The following ADAMTS3 variants were observed in gnomAD, a reference collection of about 807,000 sequenced individuals.
ADAMTS3 encodes A disintegrin and metalloproteinase with thrombospondin motifs 3.
ADAMTS3 carries 73 observed loss-of-function variants against 129.0 expected under a neutral mutation model. The observed-to-expected ratio is 0.57, with a 90% confidence interval of 0.47 to 0.69. ADAMTS3 has a LOEUF of 0.69. Among genes scored for constraint, ADAMTS3 ranks in the 30% least tolerant of loss-of-function variants. ADAMTS3 has a pLI of 0.00. For missense variants in ADAMTS3, 1,457 were observed against 1,514.5 expected, an observed-to-expected ratio of 0.96 and a Z score of 0.63; for synonymous variants, 477 against 510.8, an observed-to-expected ratio of 0.93 and a Z score of 0.89.
intron 19 of ADAMTS3, among the ~76,000 whole-genome samples, chr4:72,292,558 T>A (rs1718702156): frequency 6.6e-6 from 1 of 152,182 alleles, no homozygotes; most frequent in Admixed American, 6.6e-5. Flanking sequence ...CAAATTCTAA[T>A]GTCAGTGTCA....
At chr4:72,532,651 T>A (rs1721074285) in intron 3 of ADAMTS3, among the ~76,000 whole-genome samples, 1 of 152,148 alleles carries the variant, frequency 6.6e-6, no homozygotes, top group African/African-American at 2.4e-5. Flanking sequence ...TATGGTATAC[T>A]TACACAACCG....
chr4:72,389,951 T>C (rs77122833), intron 4 of ADAMTS3, among the ~76,000 whole-genome samples: 4,098 of 152,022 alleles, frequency 0.027, 138 homozygotes, highest in African/African-American at 0.081. Context: ...GAGATGAATG[T>C]GTATACACAC....
chr4:72,307,870 T>A (rs1019433347), intron 15 of ADAMTS3, among the ~76,000 whole-genome samples: 2 of 151,984 alleles, frequency 1.3e-5, no homozygotes, highest in African/African-American at 4.8e-5. Context: ...AGTTAGATTA[T>A]CTTTGAACAG....
intron 4 of ADAMTS3, among the ~76,000 whole-genome samples, chr4:72,359,872 TA>T: frequency 6.6e-6 from 1 of 152,086 alleles, no homozygotes; most frequent in East Asian, 1.9e-4. Context: ...GCTAAATTAA[TA>T]AATTATACTC....
At chr4:72,367,735 A>G (rs1720904352) in intron 4 of ADAMTS3, among the ~76,000 whole-genome samples, 1 of 152,000 alleles carries the variant, frequency 6.6e-6, no homozygotes, top group African/African-American at 2.4e-5. Flanking sequence ...CTGTAGTCCC[A>G]GCTACTTGGG....
intron 3 of ADAMTS3, among the ~76,000 whole-genome samples, chr4:72,481,857 T>C (rs1290173605): frequency 1.3e-5 from 2 of 151,928 alleles, no homozygotes; most frequent in Non-Finnish European, 2.9e-5. Flanking sequence ...GAAAAAGCCA[T>C]GAACAGACAT....
At chr4:72,526,729 C>CAT (rs1294009752) in intron 3 of ADAMTS3, among the ~76,000 whole-genome samples, 1 of 42,412 alleles carries the variant, frequency 2.4e-5, no homozygotes, top group African/African-American at 1.0e-4. Flanking sequence ...AAAATATATA[C>CAT]ATACATATAT....
chr4:72,493,286 G>T (rs1085946), intron 3 of ADAMTS3, among the ~76,000 whole-genome samples: 135,031 of 151,940 alleles, frequency 0.89, 60,939 homozygotes, highest in East Asian at 1. Context: ...TTATCTTACA[G>T]TGGTTTTGTC....
intron 4 of ADAMTS3, among the ~76,000 whole-genome samples, chr4:72,395,530 T>C (rs955049355): frequency 6.6e-6 from 1 of 152,108 alleles, no homozygotes; most frequent in Non-Finnish European, 1.5e-5. Context: ...AGGACAAATA[T>C]AAAAAATTTA....
intron 3 of ADAMTS3, among the ~76,000 whole-genome samples, chr4:72,424,875 T>A (rs1419275483): frequency 2.0e-5 from 3 of 152,144 alleles, no homozygotes; most frequent in Non-Finnish European, 4.4e-5. Context: ...GGATACTAAC[T>A]TTTTATTGGA....
chr4:72,460,878 C>T (rs779892083), intron 3 of ADAMTS3, among the ~76,000 whole-genome samples: 25 of 151,650 alleles, frequency 1.6e-4, no homozygotes, highest in Non-Finnish European at 3.1e-4. Flanking sequence ...GGGAATTCAT[C>T]ATAAGACTGA....
intron 5 of ADAMTS3, among the ~76,000 whole-genome samples, chr4:72,329,035 T>G (rs56868491): frequency 0.035 from 5,257 of 152,260 alleles, 307 homozygotes; most frequent in African/African-American, 0.12. Context: ...TAATAACTAC[T>G]GTTTAGTGAT....
At chr4:72,422,226 T>C (rs753685802) in intron 3 of ADAMTS3, among the ~76,000 whole-genome samples, 1 of 152,138 alleles carries the variant, frequency 6.6e-6, no homozygotes, top group Non-Finnish European at 1.5e-5. Context: ...TGAGGGATTA[T>C]GTTTAAAAAG....
rs964031282 is a variant in ADAMTS3 at position 72,406,515 on chromosome 4, C to A, written c.661+8300G>T. 5.3e-5 allele frequency among the ~76,000 whole-genome samples: 8 copies of A among 152,082 alleles called. No homozygotes were observed. In the East Asian group the frequency reaches 1.3e-3, roughly 26 times the overall value. Reference sequence around the variant, plus strand: ...TAGTCTCTACTACTTATAGTAAATTCTTCGCTTCCCATTTACTTAATTCCT... The same window carrying A: ...TAGTCTCTACTACTTATAGTAAATTATTCGCTTCCCATTTACTTAATTCCT... On this transcript the variant is annotated intron_variant, in intron 4 of 21. Transcript: ENST00000286657.
chr4:72,352,293 A>G (rs1720460639), intron 4 of ADAMTS3, among the ~76,000 whole-genome samples: 1 of 152,044 alleles, frequency 6.6e-6, no homozygotes. Context: ...ACCAAAAGGG[A>G]AATCCAGTCT....
rs58586015 is a variant in ADAMTS3 at position 72,342,359 on chromosome 4, C to CTT, written c.662-2668_662-2667dup. 1.9e-3 allele frequency among the ~76,000 whole-genome samples: 244 copies of CTT among 127,234 alleles called. 3 individuals carry two copies. The highest frequency in any genetic ancestry group is 0.013 in the South Asian group (48 of 3,672). The allele number at this position is 127,234 out of a possible 152,430, so 83.5% of individuals were successfully genotyped here. A position where few individuals can be genotyped will look rare whatever the true frequency, so the allele number is the denominator to read the frequency against. ...ACAAGATTGGAAATTTCCCCAATTA[C>CTT]TTTTTTTTTTTTTTTTTTTTTTAAG... is the stretch of plus-strand genomic sequence containing the variant. On this transcript the variant is annotated intron_variant, in intron 4 of 21. Coordinates refer to ENST00000286657, the MANE Select transcript of ADAMTS3 (RefSeq NM_014243.3).
chr4:72,433,144 C>A (rs146826686), intron 3 of ADAMTS3, among the ~76,000 whole-genome samples: 6 of 152,008 alleles, frequency 3.9e-5, no homozygotes, highest in South Asian at 2.1e-4. Context: ...CCAAAACTAA[C>A]CCTGATCATG....
intron 4 of ADAMTS3, among the ~76,000 whole-genome samples, chr4:72,341,135 T>G (rs555185196): frequency 8.5e-5 from 13 of 152,192 alleles, no homozygotes; most frequent in Non-Finnish European, 1.5e-4. Context: ...GGAAGGTTGA[T>G]GACCAAGCCC....
intron 4 of ADAMTS3, among the ~76,000 whole-genome samples, chr4:72,405,265 C>A (rs1722021862): frequency 6.6e-6 from 1 of 151,926 alleles, no homozygotes; most frequent in South Asian, 2.1e-4. Context: ...GCATTATTCA[C>A]AATATCGAAG....
Sources: gnomAD v4.1 joint callset for allele counts (sites outside exome capture counted in the v4.1 genomes callset) on GRCh38, gnomAD v4.1.1 for gene constraint, MANE v1.5 for transcripts, NCBI Gene and HGNC (gene_info 2026-07-23, HGNC 2026-07-21) for gene names.